The following ASCC3 variants were observed in gnomAD, a reference collection of about 807,000 sequenced individuals.
ASCC3 encodes ASC-1 complex subunit P200.
A neutral mutation model predicts 256.3 loss-of-function variants in ASCC3; 158 were observed. The observed-to-expected ratio is 0.62, with a 90% CI of 0.54 to 0.70. The LOEUF is 0.70. Among genes scored for constraint, ASCC3 ranks in the 30% least tolerant of loss-of-function variants. The pLI is 0.00. For missense variants in ASCC3, 2,259 were observed against 2,626.0 expected (o/e 0.86, Z 3.05); for synonymous variants, 948 against 883.4 (o/e 1.07, Z -1.30).
chr6:100,653,644 G>A lies in ASCC3; in HGVS notation c.2824-755C>T, dbSNP rs544773683. ...CAGAGCGAGGCTGGAGTGCAGTGGC[G>A]TGATCTTGGCTCACTTTACTTACTT... On this transcript the variant is annotated intron_variant, in intron 17 of 41. Coordinates refer to ENST00000369162, the MANE Select transcript of ASCC3 (RefSeq NM_006828.4). Among the ~76,000 whole-genome samples, 9 of 150,568 alleles carry A rather than the reference G, an allele frequency of 6.0e-5. No individual in the cohort carries two copies. The South Asian group carries it at 1.5e-3, about 25-fold the overall frequency.
intron 13 of ASCC3, among the ~76,000 whole-genome samples, chr6:100,712,318 A>G (rs528531421): frequency 3.9e-5 from 6 of 152,296 alleles, no homozygotes; most frequent in Admixed American, 2.6e-4. Flanking sequence ...AAGAGGAAAG[A>G]GAATGAGAAG....
At chr6:100,603,814 A>C (rs1000182306) in intron 33 of ASCC3, among the ~76,000 whole-genome samples, 3 of 151,976 alleles carry the variant, frequency 2.0e-5, no homozygotes, top group East Asian at 3.9e-4. Context: ...TTATCTTTTT[A>C]TACATTGCTT....
intron 8 of ASCC3, among the ~76,000 whole-genome samples, chr6:100,772,961 A>G (rs1265033069): frequency 6.6e-6 from 1 of 152,204 alleles, no homozygotes; most frequent in Non-Finnish European, 1.5e-5. Context: ...AATTAATTTT[A>G]AAATAGCTAA....
rs781343518 is a variant in ASCC3, at chr6:100,607,073, C to A, written c.4801G>T (p.Ala1601Ser). 5.6e-6 allele frequency: 9 copies of A among 1,613,388 alleles called. No homozygotes were observed. The Admixed American group carries it at 6.7e-5, about 12-fold the overall frequency. The change falls in exon 31 of 42, where the codon GCA (alanine) becomes TCA (serine). Residue 1601 changes from alanine to serine, a missense_variant. This residue lies in a region of ASCC3 where 1,839 missense variants were observed against 2,206.7 expected (regional missense o/e 0.83). Coordinates refer to ENST00000369162, the MANE Select transcript of ASCC3 (RefSeq NM_006828.4). The stretch of plus-strand genomic sequence containing the variant: ...TTGAGGTTGGAATCTCTTACTGTTG[C>A]AATGATGTTCTCCATCTGCAAGTAA... ...MDEREMENII[A>S]TVRDSNLKLT...
chr6:100,700,574 G>A (rs1778309296), intron 13 of ASCC3, among the ~76,000 whole-genome samples: 2 of 152,334 alleles, frequency 1.3e-5, no homozygotes, highest in Non-Finnish European at 2.9e-5. Context: ...GCTCGTGAAA[G>A]CAGCTGGGAA....
chr6:100,535,294 T>C (rs533747525), intron 37 of ASCC3, among the ~76,000 whole-genome samples: 2 of 152,200 alleles, frequency 1.3e-5, no homozygotes, highest in Non-Finnish European at 2.9e-5. Flanking sequence ...GTACCCATGT[T>C]ATCAAATGAA....
intron 30 of ASCC3, among the ~76,000 whole-genome samples, chr6:100,619,772 T>C (rs1331419388): frequency 3.9e-5 from 6 of 152,198 alleles, no homozygotes; most frequent in African/African-American, 1.4e-4. Flanking sequence ...CTTTCTATCC[T>C]CTTTTACTGT....
In ASCC3 at chr6:100,625,281, G is replaced by T; in HGVS notation, c.4696C>A (p.Arg1566Ser). The T allele has an allele frequency of 1.2e-6, 2 of 1,612,912 alleles. No individual in the cohort carries two copies. The highest frequency in any genetic ancestry group is 1.7e-6 in the Non-Finnish European group (2 of 1,179,196). ...TCCAAAGCAGTAAGACGAGTTTGAC[G>T]TCTTGATGAGACAAATATCAAAACA... ...KPVLIFVSSR[R>S]QTRLTALELI... The change falls in exon 30 of 42, where the codon CGT becomes AGT. Residue 1566 changes from arginine to serine, a missense_variant. Physicochemically the swap from Arg to Ser is moderately radical, Grantham distance 110. Transcript: ENST00000369162.
intron 17 of ASCC3, among the ~76,000 whole-genome samples, chr6:100,653,898 T>C (rs1379416402): frequency 1.3e-5 from 2 of 151,914 alleles, no homozygotes; most frequent in Non-Finnish European, 2.9e-5. Flanking sequence ...TCATGAGGAG[T>C]AAAGTGAAAT....
chr6:100,661,994 C>G lies in ASCC3; in HGVS notation c.2515G>C (p.Val839Leu), dbSNP rs757453570. The change falls in exon 16 of 42, where the codon GTT (valine) becomes CTT (leucine). Residue 839 changes from valine (V) to leucine (L), a missense_variant. Val to Leu is a conservative substitution (Grantham distance 32). Coordinates refer to ENST00000369162, the MANE Select transcript of ASCC3 (RefSeq NM_006828.4). The part of the protein sequence containing the change: ...QIYAAKRGSF[V>L]DLGILDVMQI... Reference sequence around the variant, plus strand: ...ATGACATCTAAAATTCCAAGGTCAACAAAGGAGCCTCTTTTTGCAGCATAT... The same window carrying G: ...ATGACATCTAAAATTCCAAGGTCAAGAAAGGAGCCTCTTTTTGCAGCATAT... The G allele has an allele frequency of 5.0e-6, 8 of 1,613,270 alleles. No individual in the cohort carries two copies. In the Admixed American group the frequency reaches 1.3e-4, roughly 27 times the overall value.
At chr6:100,611,746 A>G (rs201099167) in intron 30 of ASCC3, among the ~76,000 whole-genome samples, 1 of 151,940 alleles carries the variant, frequency 6.6e-6, no homozygotes, top group East Asian at 1.9e-4. Flanking sequence ...CATCTTCTCA[A>G]TTTTTCTAGT....
At chr6:100,589,796 G>C (rs968833425) in intron 35 of ASCC3, 28 bp from the exon 36 acceptor site, 1 of 1,612,998 alleles carries the variant, frequency 6.2e-7, no homozygotes, top group Admixed American at 1.7e-5. Context: ...CAAATGAAGA[G>C]TACGATGAAA....
intron 13 of ASCC3, among the ~76,000 whole-genome samples, chr6:100,707,736 T>C (rs1439992092): frequency 2.6e-5 from 4 of 152,164 alleles, no homozygotes; most frequent in Non-Finnish European, 4.4e-5. Context: ...ATTGTCCCAA[T>C]GTAGATGACA....
chr6:100,724,352 T>C (rs1203014374), intron 11 of ASCC3, among the ~76,000 whole-genome samples: 1 of 151,794 alleles, frequency 6.6e-6, no homozygotes, highest in Admixed American at 6.6e-5. Context: ...TTACTTATGT[T>C]TGAGCAATGA....
chr6:100,658,025 G>A (rs1301921489), intron 16 of ASCC3, among the ~76,000 whole-genome samples: 1 of 151,514 alleles, frequency 6.6e-6, no homozygotes, highest in Admixed American at 6.6e-5. Flanking sequence ...TAACAAGCCT[G>A]TGCTGAGTAA....
intron 10 of ASCC3, among the ~76,000 whole-genome samples, chr6:100,746,286 T>C (rs1449143047): frequency 6.6e-6 from 1 of 151,888 alleles, no homozygotes; most frequent in Non-Finnish European, 1.5e-5. Flanking sequence ...TCTAATTAAA[T>C]ATATTAATCT....
chr6:100,659,508 T>C (rs971808034), intron 16 of ASCC3, among the ~76,000 whole-genome samples: 1 of 151,500 alleles, frequency 6.6e-6, no homozygotes, highest in African/African-American at 2.4e-5. Flanking sequence ...TTTACATCAC[T>C]AAATGGAATT....
rs1275179451 is a variant in ASCC3, at chr6:100,606,835, G to A, written c.4949C>T (p.Ala1650Val). ...ATGAGCTGGAAAGTTTACACCCCAG[G>A]CTAATGTGCTTGTAGCAATAAGAAC... ...VQVLIATSTL[A>V]WGVNFPAHLV... Residue 1650 changes from alanine (A) to valine (V), a missense_variant, in exon 32 of 42, where the codon GCC becomes GTC. By Grantham distance (64) the Ala-to-Val change is moderately conservative. Transcript: ENST00000369162. 1.9e-6 allele frequency: 3 copies of A among 1,611,980 alleles called. No homozygotes were observed. Among genetic ancestry groups the A allele is most frequent in the Admixed American group, 1.7e-5 (1 of 59,918 alleles).
intron 4 of ASCC3, among the ~76,000 whole-genome samples, chr6:100,833,670 T>C (rs143261032): frequency 3.1e-3 from 478 of 152,308 alleles, no homozygotes; most frequent in Non-Finnish European, 4.5e-3. Context: ...AAAAAAATAA[T>C]TGTAAAGCTA....
Sources: gnomAD v4.1 joint callset for allele counts (sites outside exome capture counted in the v4.1 genomes callset) on GRCh38, gnomAD v4.1.1 for gene constraint, gnomAD v4.1.1 regional missense constraint, MANE v1.5 for transcripts, NCBI Gene and HGNC (gene_info 2026-07-23, HGNC 2026-07-21) for gene names.